ZFYVE21: variants seen among roughly 807,000 people sequenced by gnomAD.
ZFYVE21 encodes zinc finger FYVE domain-containing protein 21.
A neutral mutation model predicts 29.5 loss-of-function variants in ZFYVE21; 21 were observed. The observed-to-expected ratio is 0.71, with a 90% CI of 0.50 to 1.02. ZFYVE21 has a LOEUF of 1.02. ZFYVE21 is among the 50% of genes least tolerant of loss of function. The pLI is 0.00. For missense variants in ZFYVE21, 326 were observed against 335.4 expected, an observed-to-expected ratio of 0.97 and a Z score of 0.22; for synonymous variants, 151 against 133.8, an observed-to-expected ratio of 1.13 and a Z score of -0.89.
chr14:103,727,102 C>G (rs28483843), intron 2 of ZFYVE21: 1 of 444,600 alleles, frequency 2.2e-6, no homozygotes, highest in African/African-American at 2.1e-5. Context: ...CTTGCCACCA[C>G]GCCTGGCTAA....
Position 103,716,509 on chromosome 14 carries a change from GC to G in ZFYVE21, c.138+532del, listed in dbSNP as rs1299382945. 2.6e-5 allele frequency among the ~76,000 whole-genome samples: 4 copies of G among 152,358 alleles called. No individual in the cohort carries two copies. The East Asian group carries it at 7.7e-4, about 29-fold the overall frequency. On this transcript the variant is annotated intron_variant, in intron 1 of 6. Coordinates refer to ENST00000311141, the MANE Select transcript of ZFYVE21 (RefSeq NM_024071.4). This position sits in a 1 kb window ranked among gnomAD's most constrained non-coding sequence, Gnocchi z 4.8. ...CCGCGGGCGGGTGGCCGGTTCCGAAGCCACCTCCTGCTCGGAAGGAGGGCCA... is the reference window on the plus strand; with the variant it reads ...CCGCGGGCGGGTGGCCGGTTCCGAAGCACCTCCTGCTCGGAAGGAGGGCCA...
At chr14:103,732,422 C>G (rs1353329836) in intron 5 of ZFYVE21, 198 bp from the exon 6 acceptor site, 3 of 543,278 alleles carry the variant, frequency 5.5e-6, no homozygotes, top group Non-Finnish European at 8.8e-6. Flanking sequence ...TCTCCCACCC[C>G]ACCTGTGAGC....
intron 2 of ZFYVE21, chr14:103,727,081 G>C (rs1680007986): frequency 2.1e-6 from 1 of 484,956 alleles, no homozygotes; most frequent in Non-Finnish European, 3.7e-6. Context: ...GAGTAGCTGG[G>C]ATTACAGGGG....
rs2151949114 is a variant in ZFYVE21, at chr14:103,716,083, G to A, written c.138+104G>A. 3 of 1,089,112 alleles carry A rather than the reference G, an allele frequency of 2.8e-6. No homozygotes were observed. The East Asian group carries it at 1.4e-4, about 49-fold the overall frequency. The allele number at this position is 1,089,112 out of a possible 1,614,324, so 67.5% of individuals were successfully genotyped here. ...GCGACGACCCCTCCGCCTCCGGGCG[G>A]CCCCTTCCCCAGCCGGCCCCCGCCC... On this transcript the variant is annotated intron_variant, in intron 1 of 6. Coordinates refer to ENST00000311141, the MANE Select transcript of ZFYVE21 (RefSeq NM_024071.4). The surrounding 1 kb of genome is among the most constrained non-coding windows in gnomAD (Gnocchi z 4.8).
chr14:103,729,316 C>A, intron 5 of ZFYVE21, 134 bp downstream of exon 5: 1 of 848,224 alleles, frequency 1.2e-6, no homozygotes, highest in Non-Finnish European at 1.8e-6. Flanking sequence ...GACAATCTGC[C>A]TTTCCTCTTT....
At position 103,715,937 on chromosome 14, in the gene ZFYVE21, C is replaced by T. The variant is rs371389100; in HGVS notation, c.96C>T (p.Ser32=). 4.7e-5 allele frequency: 67 copies of T among 1,428,178 alleles called. No individual in the cohort carries two copies. In the African/African-American group the frequency reaches 7.3e-4, roughly 16 times the overall value. The allele number at this position is 1,428,178 out of a possible 1,614,324, so 88.5% of individuals were successfully genotyped here. A position where few individuals can be genotyped will look rare whatever the true frequency, so the allele number is the denominator to read the frequency against. The change falls in exon 1 of 7, where the codon AGC becomes AGT. Residue 32 remains serine (S), a synonymous_variant. Coordinates refer to ENST00000311141, the MANE Select transcript of ZFYVE21 (RefSeq NM_024071.4). The part of the protein sequence containing the change: ...RMVPEHRAFG[S]PFGLEEPQWV... ...TGCCCGAACACCGCGCCTTCGGAAG[C>T]CCGTTCGGCCTGGAGGAGCCGCAGT...
intron 1 of ZFYVE21, among the ~76,000 whole-genome samples, chr14:103,721,419 C>A (rs1456789877): frequency 1.3e-5 from 2 of 152,362 alleles, no homozygotes; most frequent in East Asian, 3.9e-4. Flanking sequence ...CATATAGCTT[C>A]CCGCCGAGCC....
chr14:103,726,622 T>C, intron 1 of ZFYVE21, 170 bp from the exon 2 acceptor site: 1 of 804,424 alleles, frequency 1.2e-6, no homozygotes, highest in East Asian at 2.5e-5. Flanking sequence ...CTCTGGAGCC[T>C]GGGCACAGGC....
chr14:103,732,680 T>G lies in ZFYVE21; in HGVS notation c.587T>G (p.Val196Gly). 1 of 1,612,816 alleles carries G rather than the reference T, an allele frequency of 6.2e-7. No homozygotes were observed. The highest frequency in any genetic ancestry group is 8.5e-7 in the Non-Finnish European group (1 of 1,179,584). Reference protein sequence around the residue: ...LQYTVPGTEGVTQLKLTVVED... With the variant: ...LQYTVPGTEGGTQLKLTVVED... The stretch of plus-strand genomic sequence containing the variant: ...TATACAGTGCCGGGGACGGAGGGTG[T>G]GACCCAGCTGAAGCTGACAGTGGTG... Residue 196 changes from valine (V) to glycine (G), a missense_variant, in exon 6 of 7, where the codon GTG (valine) becomes GGG (glycine). Transcript: ENST00000311141.
At chr14:103,722,351 CTTT>C (rs34926725) in intron 1 of ZFYVE21, among the ~76,000 whole-genome samples, 6 of 108,368 alleles carry the variant, frequency 5.5e-5, no homozygotes, top group Admixed American at 1.1e-4. Context: ...TGGTCTGTCT[CTTT>C]TTTTTTTTTT....
At chr14:103,728,172 C>G (rs752865050) in intron 3 of ZFYVE21, 15 of 396,378 alleles carry the variant, frequency 3.8e-5, no homozygotes, top group Non-Finnish European at 4.9e-5. Context: ...GCCCTGGGCC[C>G]AGGCAGCACC....
chr14:103,730,245 G>A (rs2083962031), intron 5 of ZFYVE21: 1 of 215,258 alleles, frequency 4.6e-6, no homozygotes, highest in South Asian at 9.1e-5. Context: ...TGACTCTCCT[G>A]GCACTTCTGT....
At chr14:103,727,463 G>C (rs1017819684) in intron 2 of ZFYVE21, 4 of 536,754 alleles carry the variant, frequency 7.5e-6, no homozygotes, top group Non-Finnish European at 1.4e-5. Flanking sequence ...CCCGAGGCGC[G>C]AGGGCGTCCT....
intron 1 of ZFYVE21, among the ~76,000 whole-genome samples, chr14:103,718,311 G>C (rs551443805): frequency 6.6e-6 from 1 of 152,176 alleles, no homozygotes. Flanking sequence ...CCCGTCTCCC[G>C]AATACCAGCT....
intron 3 of ZFYVE21, 93 bp from the exon 4 acceptor site, chr14:103,728,815 C>T: frequency 4.9e-6 from 6 of 1,232,894 alleles, no homozygotes; most frequent in Admixed American, 1.9e-5. Flanking sequence ...TTTACTCTGT[C>T]CTCTGTGCGT....
chr14:103,726,949 T>TTTTTCTTTTTG (rs2083931748), intron 2 of ZFYVE21, 107 bp downstream of exon 2: 1 of 662,544 alleles, frequency 1.5e-6, no homozygotes, highest in Non-Finnish European at 2.2e-6. Flanking sequence ...TTATGGCTCG[T>TTTTTCTTTTTG]TTTTTTTTTT....
At chr14:103,725,569 T>A (rs2083915843) in intron 1 of ZFYVE21, 1 of 152,358 alleles carries the variant, frequency 6.6e-6, no homozygotes, top group East Asian at 1.9e-4. Flanking sequence ...TGGCCATGGC[T>A]GCCCACAGTG....
chr14:103,727,393 C>T, intron 2 of ZFYVE21: 1 of 403,792 alleles, frequency 2.5e-6, no homozygotes, highest in Non-Finnish European at 4.8e-6. Flanking sequence ...CCGCCCCGTC[C>T]CCGTGCCGCT....
At chr14:103,726,672 A>T in intron 1 of ZFYVE21, 120 bp from the exon 2 acceptor site, 2 of 1,272,382 alleles carry the variant, frequency 1.6e-6, no homozygotes, top group South Asian at 1.3e-5. Flanking sequence ...TGCCTGCCTC[A>T]GGCTGCTTGG....
Sources: allele counts gnomAD v4.1 joint callset (sites outside exome capture counted in the v4.1 genomes callset), GRCh38; gene constraint gnomAD v4.1.1; non-coding constraint Gnocchi (gnomAD v3.1); transcripts MANE v1.5; gene names NCBI Gene and HGNC (gene_info 2026-07-23, HGNC 2026-07-21).